Variants in YTHDC2 observed in about 807,000 individuals in gnomAD.
YTHDC2 encodes YTH N6-methyladenosine RNA binding protein C2.
Under a neutral mutation model 174.9 loss-of-function variants are expected in YTHDC2, and 45 were observed. The observed-to-expected ratio is 0.26, with a 90% CI of 0.20 to 0.33. The LOEUF (loss-of-function observed/expected upper bound fraction) is 0.33. YTHDC2 is among the 10% of genes least tolerant of loss of function. The pLI is 1.00. For synonymous variants in YTHDC2, 657 were observed against 574.5 expected (o/e 1.14, Z -2.05); for missense variants, 1,650 against 1,723.7 (o/e 0.96, Z 0.76).
intron 4 of YTHDC2, among the ~76,000 whole-genome samples, chr5:113,527,759 A>G (rs750095669): frequency 1.2e-4 from 19 of 152,114 alleles, no homozygotes; most frequent in Non-Finnish European, 2.1e-4. Flanking sequence ...TTTTTTCTGA[A>G]GACTATACAA....
chr5:113,553,942 A>T lies in YTHDC2; in HGVS notation c.2053A>T (p.Ile685Phe), dbSNP rs781129945. 12 of 1,582,294 alleles carry T rather than the reference A, an allele frequency of 7.6e-6. No homozygotes were observed. The Admixed American group carries it at 2.3e-4, about 30-fold the overall frequency. ...ACTTTAAAGTAATATCTTGTTGCAG[A>T]TTCTTTCCACCAATATTGCTGAAAC... ...KNPPAGVRKI[I>F]LSTNIAETSI... The change falls in exon 16 of 30, where the codon ATT becomes TTT. Residue 685 changes from isoleucine to phenylalanine, a missense_variant and splice_region_variant. Physicochemically the swap from Ile to Phe is conservative, Grantham distance 21. This residue lies in a region of YTHDC2 where 913 missense variants were observed against 940.4 expected (regional missense o/e 0.97). Transcript: ENST00000161863.
chr5:113,533,807 A>T (rs1323782899), intron 5 of YTHDC2, among the ~76,000 whole-genome samples: 1 of 152,186 alleles, frequency 6.6e-6, no homozygotes, highest in Non-Finnish European at 1.5e-5. Flanking sequence ...ATGACACTCA[A>T]AGGAAATGTT....
chr5:113,563,632 C>T (rs1190498145), intron 19 of YTHDC2, 140 bp downstream of exon 19: 10 of 1,071,142 alleles, frequency 9.3e-6, no homozygotes, highest in Non-Finnish European at 1.3e-5. Context: ...TAATTTTGTA[C>T]TTTTAAACAA....
In YTHDC2 at chr5:113,535,763, T is replaced by G; in HGVS notation, c.1067T>G (p.Phe356Cys). The G allele has an allele frequency of 1.9e-6, 3 of 1,612,040 alleles. No individual in the cohort carries two copies. The highest frequency in any genetic ancestry group is 2.5e-6 in the Non-Finnish European group (3 of 1,179,286). The change falls in exon 7 of 30, where the codon TTT becomes TGT. Residue 356 changes from phenylalanine to cysteine, a missense_variant. Around this residue, in one of 5 missense-constraint regions of YTHDC2, gnomAD observed 411 missense variants for 380.6 expected, o/e 1.08. Transcript: ENST00000161863. ...AGTGCTGCCTTGGATGTAAATCTCT[T>G]TATAAGATATTTTGGAAGTTGTCCA... ...LSSAALDVNLFIRYFGSCPVI... is the reference protein window; with the variant it reads ...LSSAALDVNLCIRYFGSCPVI...
chr5:113,571,170 T>C (rs1777693702), intron 23 of YTHDC2, among the ~76,000 whole-genome samples: 1 of 152,212 alleles, frequency 6.6e-6, no homozygotes, highest in South Asian at 2.1e-4. Flanking sequence ...ACCTAGTTTA[T>C]TGAGTTTTTA....
intron 2 of YTHDC2, among the ~76,000 whole-genome samples, chr5:113,518,011 C>T (rs538045652): frequency 2.6e-5 from 4 of 151,848 alleles, no homozygotes; most frequent in Admixed American, 6.6e-5. Flanking sequence ...GCCTCAGCCT[C>T]CCAAGTAGCT....
chr5:113,544,660 T>A (rs1775728501), intron 10 of YTHDC2, among the ~76,000 whole-genome samples: 1 of 151,686 alleles, frequency 6.6e-6, no homozygotes, highest in African/African-American at 2.4e-5. Context: ...CTTCTAGGTA[T>A]ATGAAGATGA....
intron 23 of YTHDC2, among the ~76,000 whole-genome samples, chr5:113,573,855 T>G (rs1241008957): frequency 2.0e-5 from 3 of 152,024 alleles, no homozygotes; most frequent in Non-Finnish European, 4.4e-5. Context: ...GGCTATTAGC[T>G]CCCGTATTGT....
At chr5:113,520,906 C>G (rs1773819749) in intron 2 of YTHDC2, among the ~76,000 whole-genome samples, 2 of 152,168 alleles carry the variant, frequency 1.3e-5, no homozygotes, top group East Asian at 3.8e-4. Flanking sequence ...AATCCTCTCC[C>G]TCCTCCCATC....
chr5:113,579,794 AG>A, intron 24 of YTHDC2, 99 bp downstream of exon 24: 1 of 1,333,276 alleles, frequency 7.5e-7, no homozygotes, highest in Non-Finnish European at 9.7e-7. Context: ...TTGAGCCCTT[AG>A]TATCAGAGAA....
At chr5:113,550,037 C>G (rs137988499) in intron 12 of YTHDC2, among the ~76,000 whole-genome samples, 282 of 151,868 alleles carry the variant, frequency 1.9e-3, no homozygotes, top group African/African-American at 6.6e-3. Flanking sequence ...AATTTGCTTC[C>G]TATGTACTCC....
intron 17 of YTHDC2, among the ~76,000 whole-genome samples, chr5:113,558,959 T>C (rs768363701): frequency 1.3e-5 from 2 of 151,262 alleles, no homozygotes; most frequent in Admixed American, 6.6e-5. Context: ...TAGAGCTGTC[T>C]AAGAAGTTTC....
chr5:113,555,120 A>G (rs1339530158), intron 16 of YTHDC2, among the ~76,000 whole-genome samples: 2 of 152,170 alleles, frequency 1.3e-5, no homozygotes, highest in Non-Finnish European at 2.9e-5. Flanking sequence ...TGAGCCAATG[A>G]AAATTCAGAT....
chr5:113,557,168 G>C (rs1004439024), intron 17 of YTHDC2, among the ~76,000 whole-genome samples: 8 of 152,056 alleles, frequency 5.3e-5, no homozygotes, highest in Non-Finnish European at 7.4e-5. Flanking sequence ...AGGATTTGTG[G>C]GGTTCTTGGA....
rs542153258 is a variant in YTHDC2, at chr5:113,595,098, G to A, written c.*1624G>A. 5.5e-4 allele frequency: 84 copies of A among 151,668 alleles called. No individual in the cohort carries two copies. Among genetic ancestry groups the A allele is most frequent in the African/African-American group, 1.7e-3 (72 of 41,352 alleles). 9.4% of individuals were successfully genotyped at this position (151,668 alleles called of 1,614,324 possible). On this transcript the variant is annotated 3_prime_UTR_variant, in exon 30 of 30. Transcript: ENST00000161863. Reference sequence around the variant, plus strand: ...AGGCATGTACTTAATAGTTCACAATGTTCTAAATTTGGAAGGACTTAAAAA... The same window carrying A: ...AGGCATGTACTTAATAGTTCACAATATTCTAAATTTGGAAGGACTTAAAAA...
In YTHDC2 at chr5:113,579,682, C is replaced by T. The variant is rs768196982; in HGVS notation, c.3341C>T (p.Thr1114Ile). ...AAACTTGATGAGTGGCTCCATTTCA[C>T]ACTGGAGCCAGAGGTAAGTTGCTTT... ...ALKLDEWLHF[T>I]LEPEAASLLL... is the part of the protein sequence containing the mutation. The change falls in exon 24 of 30, where the codon ACA becomes ATA. Residue 1114 changes from threonine to isoleucine, a missense_variant. Thr to Ile is a moderately conservative substitution (Grantham distance 89). This residue lies in a region of YTHDC2 where 913 missense variants were observed against 940.4 expected (regional missense o/e 0.97). Transcript: ENST00000161863. 20 of 1,605,770 alleles carry T rather than the reference C, an allele frequency of 1.2e-5. 1 individual carries two copies. The South Asian group carries it at 1.9e-4, about 15-fold the overall frequency.
At chr5:113,547,410 G>A (rs1284654049) in intron 10 of YTHDC2, among the ~76,000 whole-genome samples, 2 of 152,034 alleles carry the variant, frequency 1.3e-5, no homozygotes, top group East Asian at 1.9e-4. Context: ...AAACCCCAAA[G>A]CAAAATAAAA....
intron 23 of YTHDC2, among the ~76,000 whole-genome samples, chr5:113,574,354 G>T (rs184349167): frequency 6.6e-6 from 1 of 152,130 alleles, no homozygotes; most frequent in African/African-American, 2.4e-5. Context: ...TGTCCTGGGG[G>T]TTATTGGCCT....
chr5:113,527,239 A>C (rs1466792490), intron 4 of YTHDC2, among the ~76,000 whole-genome samples: 1 of 152,216 alleles, frequency 6.6e-6, no homozygotes, highest in African/African-American at 2.4e-5. Context: ...TAAAGTGCCT[A>C]GCATAGCATT....
Sources: gnomAD v4.1 joint callset for allele counts (sites outside exome capture counted in the v4.1 genomes callset) on GRCh38, gnomAD v4.1.1 for gene constraint, gnomAD v4.1.1 regional missense constraint, MANE v1.5 for transcripts, NCBI Gene and HGNC (gene_info 2026-07-23, HGNC 2026-07-21) for gene names.